Variants in CDH19 observed in about 807,000 individuals in gnomAD.
CDH19 encodes the protein cadherin 19.
In CDH19, 67 loss-of-function variants were observed where a neutral mutation model predicts 64.2. That is an observed-to-expected ratio of 1.04 (90% CI 0.86 to 1.28). The LOEUF (loss-of-function observed/expected upper bound fraction) is 1.28, where lower values mean the gene tolerates loss of function less well. Ranked by LOEUF, CDH19 falls within the 50% of genes most tolerant of loss-of-function variation. The probability of loss-of-function intolerance (pLI) is 0.00; values close to 1 mark genes in which losing one functional copy is unlikely to be tolerated. For missense variants in CDH19, 1,030 were observed against 929.0 expected, an observed-to-expected ratio of 1.11 and a Z score of -1.41; for synonymous variants, 346 against 319.3, an observed-to-expected ratio of 1.08 and a Z score of -0.89.
In CDH19 at chr18:66,551,696, T is replaced by C. The variant is rs958520484; in HGVS notation, c.611-438A>G. 1.6e-4 allele frequency among the ~76,000 whole-genome samples: 25 copies of C among 152,074 alleles called. 1 individual carries two copies. The highest frequency in any genetic ancestry group is 1.6e-3 in the Admixed American group (25 of 15,242). On this transcript the variant is annotated intron_variant, in intron 4 of 11. Transcript: ENST00000262150. ...ATGCCCTTATTATTTTGAAGTCTAC[T>C]TAGAATTATGAGATCTGAAGAAGAC... is the stretch of plus-strand genomic sequence containing the variant.
At chr18:66,537,570 TA>T (rs1986723059) in intron 7 of CDH19, among the ~76,000 whole-genome samples, 1 of 152,052 alleles carries the variant, frequency 6.6e-6, no homozygotes. Flanking sequence ...GAAACTATTT[TA>T]AAATGTTCTG....
chr18:66,595,032 A>G (rs2144636515), intron 1 of CDH19, among the ~76,000 whole-genome samples: 1 of 151,714 alleles, frequency 6.6e-6, no homozygotes, highest in South Asian at 2.1e-4. Flanking sequence ...AAATTAAAAA[A>G]AAAAGAAAAT....
At chr18:66,585,389 G>T (rs1568210496) in intron 1 of CDH19, among the ~76,000 whole-genome samples, 1 of 152,192 alleles carries the variant, frequency 6.6e-6, no homozygotes, top group East Asian at 1.9e-4. Context: ...AGTAGCACAT[G>T]TGGAGCAAGG....
At chr18:66,588,622 A>ATATATATATATG (rs1988649321) in intron 1 of CDH19, among the ~76,000 whole-genome samples, 4 of 136,240 alleles carry the variant, frequency 2.9e-5, no homozygotes, top group Middle Eastern at 3.9e-3. Context: ...ATCTATATCT[A>ATATATATATATG]TATCTATATA....
intron 1 of CDH19, among the ~76,000 whole-genome samples, chr18:66,602,477 G>A (rs896530655): frequency 3.3e-5 from 5 of 151,536 alleles, no homozygotes; most frequent in Non-Finnish European, 7.4e-5. Flanking sequence ...TGTTTCTTGA[G>A]GAAATGTACC....
At chr18:66,544,386 A>G (rs1239783752) in intron 6 of CDH19, among the ~76,000 whole-genome samples, 162 bp from the exon 7 acceptor site, 1 of 152,172 alleles carries the variant, frequency 6.6e-6, no homozygotes, top group Non-Finnish European at 1.5e-5. Context: ...ATCAGGCATA[A>G]CAAATCTGGG....
At chr18:66,571,609 T>A (rs1461949179) in intron 2 of CDH19, among the ~76,000 whole-genome samples, 1 of 151,668 alleles carries the variant, frequency 6.6e-6, no homozygotes, top group Non-Finnish European at 1.5e-5. Flanking sequence ...GAGAATATGG[T>A]ATTAACCTGC....
At chr18:66,579,492 C>T (rs1968932132) in intron 1 of CDH19, among the ~76,000 whole-genome samples, 1 of 152,134 alleles carries the variant, frequency 6.6e-6, no homozygotes, top group South Asian at 2.1e-4. Flanking sequence ...AGCTTCTTCA[C>T]AGATACCGAC....
At chr18:66,572,471 T>C (rs1292774102) in intron 1 of CDH19, among the ~76,000 whole-genome samples, 155 bp from the exon 2 acceptor site, 1 of 151,756 alleles carries the variant, frequency 6.6e-6, no homozygotes. Flanking sequence ...TTATGATTTG[T>C]AGCTCAGCAA....
Position 66,537,155 on chromosome 18 carries a change from G to A in CDH19, c.1215-2048C>T, listed in dbSNP as rs1598991988. 2.0e-5 allele frequency among the ~76,000 whole-genome samples: 3 copies of A among 151,926 alleles called. No individual in the cohort carries two copies. The South Asian group carries it at 6.2e-4, about 32-fold the overall frequency. On this transcript the variant is annotated intron_variant, in intron 7 of 11. Transcript: ENST00000262150. ...TTAATCAAACTACAAACTATAGTTGGATTTCACTGTTTTTTTTCCACTCAT... is the reference window on the plus strand; with the variant it reads ...TTAATCAAACTACAAACTATAGTTGAATTTCACTGTTTTTTTTCCACTCAT...
chr18:66,572,488 G>A (rs1221923192), intron 1 of CDH19, among the ~76,000 whole-genome samples, 172 bp from the exon 2 acceptor site: 3 of 151,686 alleles, frequency 2.0e-5, no homozygotes, highest in African/African-American at 7.3e-5. Context: ...GCAATAATTT[G>A]ATTAGAATAA....
At chr18:66,548,631 G>A (rs1241044579) in intron 5 of CDH19, among the ~76,000 whole-genome samples, 1 of 152,148 alleles carries the variant, frequency 6.6e-6, no homozygotes, top group Non-Finnish European at 1.5e-5. Flanking sequence ...TCAGAACTGA[G>A]AATTGACACT....
chr18:66,549,209 A>T (rs1987251069), intron 5 of CDH19, among the ~76,000 whole-genome samples: 1 of 152,170 alleles, frequency 6.6e-6, no homozygotes, highest in Admixed American at 6.5e-5. Context: ...ATTCTAATTT[A>T]TTCAAAATAT....
At chr18:66,583,809 T>C (rs945000192) in intron 1 of CDH19, among the ~76,000 whole-genome samples, 5 of 151,992 alleles carry the variant, frequency 3.3e-5, no homozygotes, top group Admixed American at 1.3e-4. Context: ...ATACAAAAGA[T>C]TGAAACTGGA....
rs915978619 is a variant in CDH19 at position 66,504,659 on chromosome 18, T to C, written c.*153A>G. On this transcript the variant is annotated 3_prime_UTR_variant, in exon 12 of 12. Coordinates refer to ENST00000262150, the MANE Select transcript of CDH19 (RefSeq NM_021153.4). ...GTTCAATGACAGCATGTAGGTAGCT[T>C]AAAATAACCATGGAGTATTTACTCC... 5 of 678,228 alleles carry C rather than the reference T, an allele frequency of 7.4e-6. No homozygotes were observed. Among genetic ancestry groups the C allele is most frequent in the African/African-American group, 7.2e-5 (4 of 55,644 alleles). 42.0% of individuals were successfully genotyped at this position (678,228 alleles called of 1,614,324 possible). A position where few individuals can be genotyped will look rare whatever the true frequency, so the allele number is the denominator to read the frequency against.
In CDH19 at chr18:66,532,278, T is replaced by A. The variant is rs1598986896; in HGVS notation, c.1337-2312A>T. ...CATCATACAGGGCCTCTCTTTTTCA[T>A]AAAAAAAAAAGAAAGCTATAGGAAA... On this transcript the variant is annotated intron_variant, in intron 8 of 11. Transcript: ENST00000262150. 15 of 147,818 alleles carry A rather than the reference T, an allele frequency of 1.0e-4. 1 individual carries two copies. Among genetic ancestry groups the A allele is most frequent in the African/African-American group, 3.5e-4 (14 of 40,468 alleles). 9.2% of individuals were successfully genotyped at this position (147,818 alleles called of 1,614,324 possible).
intron 7 of CDH19, among the ~76,000 whole-genome samples, chr18:66,537,619 T>C (rs1986725057): frequency 6.6e-6 from 1 of 152,086 alleles, no homozygotes; most frequent in Admixed American, 6.6e-5. Context: ...TCAGTATCCA[T>C]AGAGGAATAA....
chr18:66,579,531 A>G (rs1988363685), intron 1 of CDH19, among the ~76,000 whole-genome samples: 2 of 151,960 alleles, frequency 1.3e-5, no homozygotes, highest in African/African-American at 4.8e-5. Flanking sequence ...CACACTCACC[A>G]CAAGGTCTGA....
intron 7 of CDH19, among the ~76,000 whole-genome samples, chr18:66,543,013 T>C (rs1986950034): frequency 1.3e-5 from 2 of 152,130 alleles, no homozygotes; most frequent in African/African-American, 4.8e-5. Flanking sequence ...AAGTAAATAG[T>C]ATTTAAATAA....
Sources: allele counts gnomAD v4.1 joint callset (sites outside exome capture counted in the v4.1 genomes callset), GRCh38; gene constraint gnomAD v4.1.1; transcripts MANE v1.5; gene names NCBI Gene and HGNC (gene_info 2026-07-23, HGNC 2026-07-21).